NCOA1: variants seen among roughly 807,000 people sequenced by gnomAD.
NCOA1 encodes the protein Hin-2 protein.
In NCOA1, 35 loss-of-function variants were observed where a neutral mutation model predicts 150.9. That is an observed-to-expected ratio of 0.23 (90% CI 0.18 to 0.31). The LOEUF is 0.31. Ranked by LOEUF, NCOA1 falls within the 10% of genes least tolerant of loss-of-function variation. The pLI is 1.00. For missense variants in NCOA1, 1,491 were observed against 1,749.3 expected (o/e 0.85, Z 2.63); for synonymous variants, 590 against 630.0 (o/e 0.94, Z 0.95).
At chr2:24,572,259 G>A (rs1327274969) in intron 2 of NCOA1, among the ~76,000 whole-genome samples, 2 of 152,056 alleles carry the variant, frequency 1.3e-5, no homozygotes, top group African/African-American at 4.8e-5. Context: ...AATGTGTTAG[G>A]GTGGTTTAAT....
intron 1 of NCOA1, among the ~76,000 whole-genome samples, chr2:24,540,410 C>T (rs1323601672): frequency 6.6e-6 from 1 of 151,096 alleles, no homozygotes; most frequent in African/African-American, 2.4e-5. Context: ...CTTTTTGGTG[C>T]CAAGATGGAT....
chr2:24,603,465 T>C (rs1305447896), intron 3 of NCOA1, among the ~76,000 whole-genome samples: 1 of 152,264 alleles, frequency 6.6e-6, no homozygotes, highest in East Asian at 1.9e-4. Context: ...GTATATCTTC[T>C]TTCAAAATTG....
chr2:24,759,897 G>GTTCCCTGCAATTTATTATTTTTTCT (rs1664695337), intron 21 of NCOA1, among the ~76,000 whole-genome samples: 2 of 151,300 alleles, frequency 1.3e-5, no homozygotes, highest in Admixed American at 1.3e-4. Context: ...TATATGTTCT[G>GTTCCCTGCAATTTATTATTTTTTCT]TTCCCTGCAA....
At chr2:24,499,538 T>C (rs1663365626) in intron 1 of NCOA1, among the ~76,000 whole-genome samples, 1 of 152,222 alleles carries the variant, frequency 6.6e-6, no homozygotes, top group South Asian at 2.1e-4. Flanking sequence ...GACTTTTTTT[T>C]TTAAGCAGTA....
intron 3 of NCOA1, among the ~76,000 whole-genome samples, chr2:24,598,280 C>T (rs1667963609): frequency 6.6e-6 from 1 of 152,002 alleles, no homozygotes; most frequent in African/African-American, 2.4e-5. Context: ...ATTCAGCATT[C>T]TCGTAAATGA....
chr2:24,572,088 G>C (rs1453889656), intron 2 of NCOA1, among the ~76,000 whole-genome samples: 1 of 152,088 alleles, frequency 6.6e-6, no homozygotes, highest in Admixed American at 6.5e-5. Flanking sequence ...CACATAATAT[G>C]TATCTAGTAA....
chr2:24,729,393 G>A (rs1662871386), intron 16 of NCOA1, 108 bp from the exon 17 acceptor site: 8 of 1,080,292 alleles, frequency 7.4e-6, no homozygotes, highest in Non-Finnish European at 9.4e-6. Context: ...AACTTCTGGA[G>A]AGCATGAATT....
intron 4 of NCOA1, among the ~76,000 whole-genome samples, chr2:24,650,462 A>G (rs954465535): frequency 2.0e-5 from 3 of 152,194 alleles, no homozygotes; most frequent in East Asian, 1.9e-4. Flanking sequence ...ATTAAAGAAT[A>G]CTGTAAAGAA....
intron 14 of NCOA1, among the ~76,000 whole-genome samples, chr2:24,720,953 C>G (rs1438540873): frequency 4.6e-5 from 7 of 152,166 alleles, no homozygotes; most frequent in Admixed American, 4.6e-4. Flanking sequence ...AAATATCTTG[C>G]ATAGGATAGT....
intron 3 of NCOA1, among the ~76,000 whole-genome samples, chr2:24,628,886 G>A (rs1656766749): frequency 6.6e-6 from 1 of 152,160 alleles, no homozygotes; most frequent in Non-Finnish European, 1.5e-5. Context: ...TATGCTGTGA[G>A]TTTTGGATTT....
At chr2:24,730,637 G>A (rs896862483) in intron 17 of NCOA1, among the ~76,000 whole-genome samples, 1 of 152,082 alleles carries the variant, frequency 6.6e-6, no homozygotes, top group Non-Finnish European at 1.5e-5. Flanking sequence ...TCTCATGACA[G>A]GAAATGAGTA....
At chr2:24,694,874 AAT>A (rs1672829581) in intron 10 of NCOA1, among the ~76,000 whole-genome samples, 1 of 152,026 alleles carries the variant, frequency 6.6e-6, no homozygotes, top group South Asian at 2.1e-4. Context: ...ATGAAGGAAA[AAT>A]AGAGTCCATT....
intron 14 of NCOA1, among the ~76,000 whole-genome samples, chr2:24,723,643 A>G (rs1261772885): frequency 1.3e-5 from 2 of 152,036 alleles, no homozygotes; most frequent in South Asian, 2.1e-4. Context: ...TTTAATCTAT[A>G]TTTCTTTTAT....
chr2:24,682,049 G>A (rs1032635719), intron 7 of NCOA1, among the ~76,000 whole-genome samples: 2 of 152,104 alleles, frequency 1.3e-5, no homozygotes, highest in South Asian at 2.1e-4. Context: ...TGAGTAACCC[G>A]TCAGCATTGT....
At chr2:24,718,793 C>T (rs189339645) in intron 14 of NCOA1, among the ~76,000 whole-genome samples, 4 of 150,214 alleles carry the variant, frequency 2.7e-5, no homozygotes, top group South Asian at 2.1e-4. Flanking sequence ...GGCCTGAACC[C>T]GGGAGGCAGA....
At chr2:24,590,615 T>C (rs56159526) in intron 3 of NCOA1, among the ~76,000 whole-genome samples, 6,598 of 152,298 alleles carry the variant, frequency 0.043, 241 homozygotes, top group East Asian at 0.19. Context: ...AAAATCCAGG[T>C]TGCAACTCAG....
rs70947825 is a variant in NCOA1 at position 24,523,924 on chromosome 2, CAAAAAAAA to C, written c.-396+32344_-396+32351del. ...CTGGCAACAGAGTGGGACTCTGTCT[CAAAAAAAA>C]AAAAAAAAAAAAAAAAAAAAAGAAA... On this transcript the variant is annotated intron_variant, in intron 1 of 22. Coordinates refer to ENST00000348332, the MANE Select transcript of NCOA1 (RefSeq NM_003743.5). 9.3e-4 allele frequency among the ~76,000 whole-genome samples: 46 copies of C among 49,538 alleles called. No homozygotes were observed. In the South Asian group the frequency reaches 0.043, roughly 46 times the overall value. The allele number at this position is 49,538 out of a possible 152,430, so 32.5% of individuals were successfully genotyped here.
At position 24,742,041 on chromosome 2, in the gene NCOA1, T is replaced by C; in HGVS notation, c.3561T>C (p.Phe1187=). The C allele has an allele frequency of 6.2e-7, 1 of 1,614,230 alleles. No homozygotes were observed. Among genetic ancestry groups the C allele is most frequent in the South Asian group, 1.1e-5 (1 of 91,084 alleles). The change falls in exon 19 of 23, where the codon TTT becomes TTC. Residue 1187 remains phenylalanine, a synonymous_variant. Transcript: ENST00000348332. ...CCCCACCTGCTTCTACCAGCCCGTTTTCACAACTAGCAGCAAATCCTGAAG... is the reference window on the plus strand; with the variant it reads ...CCCCACCTGCTTCTACCAGCCCGTTCTCACAACTAGCAGCAAATCCTGAAG... The part of the protein sequence containing the change: ...PGTPPASTSP[F]SQLAANPEAS...
intron 3 of NCOA1, among the ~76,000 whole-genome samples, chr2:24,628,300 CAG>C (rs1669525281): frequency 1.5e-5 from 1 of 68,234 alleles, no homozygotes. Context: ...AACTCCATCT[CAG>C]AAAAAAAAAA....
Sources: allele counts gnomAD v4.1 joint callset (sites outside exome capture counted in the v4.1 genomes callset), GRCh38; gene constraint gnomAD v4.1.1; transcripts MANE v1.5; gene names NCBI Gene and HGNC (gene_info 2026-07-23, HGNC 2026-07-21).